The following WFS1 variants were observed in gnomAD, a reference collection of about 807,000 sequenced individuals.
WFS1 encodes the protein wolframin.
A neutral mutation model predicts 68.5 loss-of-function variants in WFS1; 90 were observed. That is an observed-to-expected ratio of 1.31 (90% CI 1.11 to 1.56). WFS1 has a LOEUF of 1.56. Ranked by LOEUF, WFS1 falls within the 40% of genes most tolerant of loss-of-function variation. The probability of loss-of-function intolerance (pLI) is 0.00; values close to 1 mark genes in which losing one functional copy is unlikely to be tolerated. For missense variants in WFS1, 1,767 were observed against 1,232.6 expected, an observed-to-expected ratio of 1.43 and a Z score of -6.49; for synonymous variants, 860 against 540.7, an observed-to-expected ratio of 1.59 and a Z score of -8.19.
chr4:6,290,386 G>A (rs968855167), intron 4 of WFS1, among the ~76,000 whole-genome samples: 1 of 152,230 alleles, frequency 6.6e-6, no homozygotes, highest in Non-Finnish European at 1.5e-5. Flanking sequence ...GAATGACCTG[G>A]AGGGGGCTCA....
Position 6,301,660 on chromosome 4 carries a change from G to A in WFS1, c.1865G>A (p.Gly622Glu). ...ACCAAGGCCAGCTTCTCTGTGGTGGGGATGGTGAAGTCCCTGACGCGGAGC... is the reference window on the plus strand; with the variant it reads ...ACCAAGGCCAGCTTCTCTGTGGTGGAGATGGTGAAGTCCCTGACGCGGAGC... ...WWTKASFSVV[G>E]MVKSLTRSSM... The change falls in exon 8 of 8, where the codon GGG (glycine) becomes GAG (glutamate). Residue 622 changes from glycine to glutamate, a missense_variant. Coordinates refer to ENST00000226760, the MANE Select transcript of WFS1 (RefSeq NM_006005.3). 6.2e-7 allele frequency: 1 copy of A among 1,614,082 alleles called. No individual in the cohort carries two copies. The highest frequency in any genetic ancestry group is 1.1e-5 in the South Asian group (1 of 91,084).
chr4:6,288,776 G>A, intron 3 of WFS1: 1 of 684,976 alleles, frequency 1.5e-6, no homozygotes, highest in Non-Finnish European at 2.5e-6. Context: ...GGATGGGGTG[G>A]CCACACCTTC....
intron 4 of WFS1, among the ~76,000 whole-genome samples, chr4:6,290,827 C>T (rs1010640404): frequency 1.3e-5 from 2 of 152,240 alleles, no homozygotes; most frequent in African/African-American, 4.8e-5. Context: ...AGTGAGTCCA[C>T]CCTGGGTTCA....
Position 6,302,265 on chromosome 4 carries a change from G to T in WFS1, c.2470G>T (p.Glu824Ter). The change falls in exon 8 of 8, where the codon GAG (glutamate) becomes TAG (stop). Residue 824 changes from glutamate to a stop codon, truncating the protein, a stop_gained. Transcript: ENST00000226760. LOFTEE classifies it high-confidence loss of function. ...CAGCCTGCGCCAGGGCAGCCTCATC[G>T]AGTTCAGCACCATCCTGGAGGGCCG... Reference protein sequence around the residue: ...LLSLRQGSLIEFSTILEGRLG... With the variant: ...LLSLRQGSLI 1.2e-6 allele frequency: 2 copies of T among 1,604,864 alleles called. No homozygotes were observed. Among genetic ancestry groups the T allele is most frequent in the Non-Finnish European group, 1.7e-6 (2 of 1,173,976 alleles).
Position 6,302,572 on chromosome 4 carries a change from G to C in WFS1, c.*104G>C. On this transcript the variant is annotated 3_prime_UTR_variant, in exon 8 of 8. Transcript: ENST00000226760. ...GCACCAGTGCCGCCTGTGCCCACGT[G>C]TGCAGACTGTGGCTGCAGAGACCTT... 1.3e-6 allele frequency: 2 copies of C among 1,524,774 alleles called. No individual in the cohort carries two copies. The highest frequency in any genetic ancestry group is 1.8e-6 in the Non-Finnish European group (2 of 1,127,582). 94.5% of individuals were successfully genotyped at this position (1,524,774 alleles called of 1,614,324 possible).
At chr4:6,290,119 A>G (rs1730420975) in intron 4 of WFS1, among the ~76,000 whole-genome samples, 1 of 152,194 alleles carries the variant, frequency 6.6e-6, no homozygotes, top group South Asian at 2.1e-4. Flanking sequence ...TTGTATTTTT[A>G]GCAGAGACAG....
In WFS1 at chr4:6,301,145, T is replaced by C. The variant is rs1057521190; in HGVS notation, c.1350T>C (p.His450=). 3 of 1,613,146 alleles carry C rather than the reference T, an allele frequency of 1.9e-6. No homozygotes were observed. The highest frequency in any genetic ancestry group is 1.7e-5 in the Admixed American group (1 of 60,020). The change falls in exon 8 of 8, where the codon CAT becomes CAC. Residue 450 remains histidine, a synonymous_variant. Coordinates refer to ENST00000226760, the MANE Select transcript of WFS1 (RefSeq NM_006005.3). The part of the protein sequence containing the change: ...TVTSYLSLST[H]AEPYTRRALA... Reference sequence around the variant, plus strand: ...CCAGCTACCTGAGCCTGAGCACCCATGCAGAGCCCTACACGCGCAGGGCCC... The same window carrying C: ...CCAGCTACCTGAGCCTGAGCACCCACGCAGAGCCCTACACGCGCAGGGCCC...
intron 2 of WFS1, among the ~76,000 whole-genome samples, chr4:6,285,430 C>G (rs1388683916): frequency 6.6e-6 from 1 of 152,074 alleles, no homozygotes; most frequent in Non-Finnish European, 1.5e-5. Context: ...GGAGAGGGGC[C>G]TTTGTGTTGG....
rs1172512794 is a variant in WFS1, at chr4:6,283,328, G to C, written c.233-3765G>C. Reference sequence around the variant, plus strand: ...ATTGATAGGCAGACTTTCAAAGAATGAGTTAGATTCAGGACCCTTTTAGTT... The same window carrying C: ...ATTGATAGGCAGACTTTCAAAGAATCAGTTAGATTCAGGACCCTTTTAGTT... On this transcript the variant is annotated intron_variant, in intron 2 of 7. Coordinates refer to ENST00000226760, the MANE Select transcript of WFS1 (RefSeq NM_006005.3). This position sits in a 1 kb window ranked among gnomAD's most constrained non-coding sequence, Gnocchi z 5.0. Among the ~76,000 whole-genome samples the C allele has an allele frequency of 6.6e-6, 1 of 152,208 alleles. No homozygotes were observed. The highest frequency in any genetic ancestry group is 2.1e-4 in the South Asian group (1 of 4,816).
At chr4:6,275,152 G>A (rs1359444279) in intron 1 of WFS1, among the ~76,000 whole-genome samples, 1 of 152,236 alleles carries the variant, frequency 6.6e-6, no homozygotes, top group Non-Finnish European at 1.5e-5. Flanking sequence ...CAGAGCCGTT[G>A]GTCTTGATGG....
In WFS1 at chr4:6,301,082, C is replaced by T. The variant is rs1801207; in HGVS notation, c.1287C>T (p.Cys429=). 4 of 1,613,992 alleles carry T rather than the reference C, an allele frequency of 2.5e-6. No homozygotes were observed. The highest frequency in any genetic ancestry group is 1.7e-5 in the Admixed American group (1 of 60,008). ...TCGCCAGCAAGGACTGCATCCCCTG[C>T]TCGGAGCTGGCTGTCATCACCGGCT... is the stretch of plus-strand genomic sequence containing the variant. ...FPIASKDCIP[C]SELAVITGFF... The change falls in exon 8 of 8, where the codon TGC becomes TGT. Residue 429 remains cysteine, a synonymous_variant. Coordinates refer to ENST00000226760, the MANE Select transcript of WFS1 (RefSeq NM_006005.3).
Position 6,300,670 on chromosome 4 carries a change from C to A in WFS1, c.875C>A (p.Pro292His), listed in dbSNP as rs1402207631. The A allele has an allele frequency of 6.2e-7, 1 of 1,613,866 alleles. No homozygotes were observed. Among genetic ancestry groups the A allele is most frequent in the African/African-American group, 1.3e-5 (1 of 74,858 alleles). Reference protein sequence around the residue: ...LPLRLKVVKYPLHAIMEIKEY... With the variant: ...LPLRLKVVKYHLHAIMEIKEY... ...TCTTTCCCCCAGGTGGTCAAGTACC[C>A]CCTGCACGCCATCATGGAGATCAAG... is the stretch of plus-strand genomic sequence containing the variant. Residue 292 changes from proline (P) to histidine (H), a missense_variant, in exon 8 of 8, where the codon CCC (proline) becomes CAC (histidine). By Grantham distance (77) the Pro-to-His change is moderately conservative. Transcript: ENST00000226760.
In WFS1 at chr4:6,302,393, CTGGCGCAGCACCGTGCA is replaced by C; in HGVS notation, c.2605_2621del (p.Ser869ArgfsTer65). 1 of 1,613,148 alleles carries C rather than the reference CTGGCGCAGCACCGTGCA, an allele frequency of 6.2e-7. No individual in the cohort carries two copies. Among genetic ancestry groups the C allele is most frequent in the Non-Finnish European group, 8.5e-7 (1 of 1,179,988 alleles). On this transcript the variant is annotated frameshift_variant, in exon 8 of 8. Transcript: ENST00000226760. LOFTEE classifies it high-confidence loss of function. Reference sequence around the variant, plus strand: ...GGCGGCACGTGAAGATCGAGCACGACTGGCGCAGCACCGTGCATGGCGCCGTGAAGTTCGCCTTCGAC... The same window carrying C: ...GGCGGCACGTGAAGATCGAGCACGACTGGCGCCGTGAAGTTCGCCTTCGAC...
intron 3 of WFS1, among the ~76,000 whole-genome samples, chr4:6,288,124 G>A (rs1037351268): frequency 6.6e-6 from 1 of 151,612 alleles, no homozygotes; most frequent in African/African-American, 2.4e-5. Flanking sequence ...GGCTGAGACA[G>A]GAAAATCACT....
chr4:6,278,829 G>A (rs1344415861), intron 2 of WFS1, among the ~76,000 whole-genome samples: 3 of 152,240 alleles, frequency 2.0e-5, no homozygotes, highest in African/African-American at 7.2e-5. Flanking sequence ...GCGGATGAGG[G>A]CCTGACCCCG....
In WFS1 at chr4:6,287,250, C is replaced by A; in HGVS notation, c.315+75C>A. The stretch of plus-strand genomic sequence containing the variant: ...ACAGGCCTGGCCACGAGCTCCACAG[C>A]CCACAGAGAAGTGTCGGTGCCTGAG... On this transcript the variant is annotated intron_variant, in intron 3 of 7. Coordinates refer to ENST00000226760, the MANE Select transcript of WFS1 (RefSeq NM_006005.3). This position sits in a 1 kb window ranked among gnomAD's most constrained non-coding sequence, Gnocchi z 6.4. The A allele has an allele frequency of 7.5e-7, 1 of 1,332,548 alleles. No individual in the cohort carries two copies. The highest frequency in any genetic ancestry group is 1.1e-6 in the Non-Finnish European group (1 of 950,642). 82.5% of individuals were successfully genotyped at this position (1,332,548 alleles called of 1,614,324 possible). A position where few individuals can be genotyped will look rare whatever the true frequency, so the allele number is the denominator to read the frequency against.
Position 6,287,912 on chromosome 4 carries a change from G to A in WFS1, c.315+737G>A, listed in dbSNP as rs916376575. On this transcript the variant is annotated intron_variant, in intron 3 of 7. Coordinates refer to ENST00000226760, the MANE Select transcript of WFS1 (RefSeq NM_006005.3). The surrounding 1 kb of genome is among the most constrained non-coding windows in gnomAD (Gnocchi z 6.4). ...CTAAAGAGGAGAAAAGCTTCCACGC[G>A]AAACCATAAATTAAGAATTTCTGGC... Among the ~76,000 whole-genome samples the A allele has an allele frequency of 2.0e-5, 3 of 152,114 alleles. No homozygotes were observed. Among genetic ancestry groups the A allele is most frequent in the South Asian group, 2.1e-4 (1 of 4,824 alleles).
rs904123799 is a variant in WFS1, at chr4:6,302,895, CTTAT to C, written c.*430_*433del. 1.2e-4 allele frequency: 28 copies of C among 237,260 alleles called. No homozygotes were observed. The highest frequency in any genetic ancestry group is 2.6e-4 in the Admixed American group (5 of 19,542). 14.7% of individuals were successfully genotyped at this position (237,260 alleles called of 1,614,324 possible). A position where few individuals can be genotyped will look rare whatever the true frequency, so the allele number is the denominator to read the frequency against. On this transcript the variant is annotated 3_prime_UTR_variant, in exon 8 of 8. Coordinates refer to ENST00000226760, the MANE Select transcript of WFS1 (RefSeq NM_006005.3). ...CTGTGTAACCTCCACAGTAGCATTT[CTTAT>C]TTGTTTGGTCACTGCTACACCTTAG...
At chr4:6,299,109 T>C (rs919636367) in intron 7 of WFS1, among the ~76,000 whole-genome samples, 1 of 152,238 alleles carries the variant, frequency 6.6e-6, no homozygotes, top group African/African-American at 2.4e-5. Flanking sequence ...ACTGGCACCA[T>C]GGCCACTTTG....
Sources: gnomAD v4.1 joint callset for allele counts (sites outside exome capture counted in the v4.1 genomes callset) on GRCh38, gnomAD v4.1.1 for gene constraint, Gnocchi (gnomAD v3.1) non-coding constraint, MANE v1.5 for transcripts, NCBI Gene and HGNC (gene_info 2026-07-23, HGNC 2026-07-21) for gene names.